The following INTS8 variants were observed in gnomAD, a reference collection of about 807,000 sequenced individuals.
INTS8 encodes the protein integrator complex subunit 8.
Under a neutral mutation model 138.9 loss-of-function variants are expected in INTS8, and 47 were observed. The observed-to-expected ratio is 0.34, with a 90% CI of 0.27 to 0.43. The LOEUF (loss-of-function observed/expected upper bound fraction) is 0.43. Ranked by LOEUF, INTS8 falls within the 20% of genes least tolerant of loss-of-function variation. The pLI is 1.00. For missense variants in INTS8, 996 were observed against 1,173.0 expected, an observed-to-expected ratio of 0.85 and a Z score of 2.20; for synonymous variants, 392 against 400.9, an observed-to-expected ratio of 0.98 and a Z score of 0.27.
chr8:94,827,249 T>G lies in INTS8; in HGVS notation c.306-14T>G, dbSNP rs1362541152. ...ACAATTAATGTGCAAACATGTACGT[T>G]TTGCTTCTTCAAGTTTGTCTGTTCC... On this transcript the variant is annotated splice_polypyrimidine_tract_variant and intron_variant, in intron 2 of 26. Coordinates refer to ENST00000523731, the MANE Select transcript of INTS8 (RefSeq NM_017864.4). 9 of 1,610,634 alleles carry G rather than the reference T, an allele frequency of 5.6e-6. No homozygotes were observed. Among genetic ancestry groups the G allele is most frequent in the Non-Finnish European group, 7.6e-6 (9 of 1,177,362 alleles).
chr8:94,879,998 G>A, intron 26 of INTS8, 120 bp from the exon 27 acceptor site: 2 of 674,584 alleles, frequency 3.0e-6, no homozygotes, highest in Non-Finnish European at 2.6e-6. Context: ...TTACAGTTAA[G>A]AGGTTCAGTT....
rs2131090851 is a variant in INTS8, at chr8:94,880,720, T to G, written c.*486T>G. On this transcript the variant is annotated 3_prime_UTR_variant, in exon 27 of 27. Coordinates refer to ENST00000523731, the MANE Select transcript of INTS8 (RefSeq NM_017864.4). ...ACAATGGAGGAATTTAGAAAGGACC[T>G]TAACAGTTTCACAAACATAAATAAA... 2 of 396,288 alleles carry G rather than the reference T, an allele frequency of 5.0e-6. No homozygotes were observed. The highest frequency in any genetic ancestry group is 4.1e-5 in the African/African-American group (2 of 48,678). The allele number at this position is 396,288 out of a possible 1,614,324, so 24.5% of individuals were successfully genotyped here. A position where few individuals can be genotyped will look rare whatever the true frequency, so the allele number is the denominator to read the frequency against.
At chr8:94,829,683 G>T (rs961632236) in intron 5 of INTS8, among the ~76,000 whole-genome samples, 3 of 152,192 alleles carry the variant, frequency 2.0e-5, no homozygotes, top group African/African-American at 2.4e-5. Context: ...TGACATTAAG[G>T]TTTTTACTAT....
At chr8:94,863,197 C>T (rs1816057822) in intron 16 of INTS8, among the ~76,000 whole-genome samples, 3 of 152,166 alleles carry the variant, frequency 2.0e-5, no homozygotes, top group African/African-American at 7.2e-5. Context: ...CTAGTATAGG[C>T]TAAAACCTTA....
chr8:94,866,914 A>T (rs1229359915), intron 18 of INTS8: 1 of 461,898 alleles, frequency 2.2e-6, no homozygotes, highest in East Asian at 3.4e-5. Flanking sequence ...CCATAAGCCA[A>T]ACATTTATGC....
chr8:94,856,560 ATTG>A (rs890887121), intron 14 of INTS8, among the ~76,000 whole-genome samples: 3 of 152,208 alleles, frequency 2.0e-5, no homozygotes, highest in Admixed American at 6.5e-5. Flanking sequence ...AGTATTTTAT[ATTG>A]TTTATTGGAT....
At position 94,823,395 on chromosome 8, in the gene INTS8, G is replaced by T. The variant is rs537627111; in HGVS notation, c.-37G>T. 1.3e-6 allele frequency: 2 copies of T among 1,511,296 alleles called. No homozygotes were observed. Among genetic ancestry groups the T allele is most frequent in the South Asian group, 1.3e-5 (1 of 78,302 alleles). The allele number at this position is 1,511,296 out of a possible 1,614,324, so 93.6% of individuals were successfully genotyped here. On this transcript the variant is annotated 5_prime_UTR_variant, in exon 1 of 27. Coordinates refer to ENST00000523731, the MANE Select transcript of INTS8 (RefSeq NM_017864.4). The stretch of plus-strand genomic sequence containing the variant: ...CGCATCCAAGTGTCAGGTTGGAGCC[G>T]GGAAGCGGCCCTGGTGGTAGCGGCG...
At chr8:94,845,122 G>A (rs1375937397) in intron 10 of INTS8, among the ~76,000 whole-genome samples, 2 of 152,092 alleles carry the variant, frequency 1.3e-5, no homozygotes, top group Non-Finnish European at 2.9e-5. Context: ...TTCCGTTGTA[G>A]TGATTTCTGT....
chr8:94,839,446 T>A (rs1452513345), intron 8 of INTS8, among the ~76,000 whole-genome samples: 2 of 152,214 alleles, frequency 1.3e-5, no homozygotes, highest in African/African-American at 4.8e-5. Flanking sequence ...GATAAAGCCA[T>A]AACTTAGTTT....
rs749115981 is a variant in INTS8, at chr8:94,824,898, G to A, written c.136G>A (p.Ala46Thr). The change falls in exon 2 of 27, where the codon GCA (alanine) becomes ACA (threonine). Residue 46 changes from alanine to threonine, a missense_variant. Coordinates refer to ENST00000523731, the MANE Select transcript of INTS8 (RefSeq NM_017864.4). ...TATTTTCTTTTAAACCCTAGATCCT[G>A]CACCAGTTCAACTTATAGTTCAGTT... The part of the protein sequence containing the change: ...KHLRKPCPDP[A>T]PVQLIVQFLE... 3.1e-6 allele frequency: 5 copies of A among 1,599,366 alleles called. No homozygotes were observed. The highest frequency in any genetic ancestry group is 3.4e-6 in the Non-Finnish European group (4 of 1,172,252).
intron 26 of INTS8, 29 bp downstream of exon 26, chr8:94,876,518 G>A (rs751143710): frequency 2.8e-6 from 4 of 1,421,040 alleles, no homozygotes; most frequent in South Asian, 1.3e-5. Flanking sequence ...TTCTTCAGTG[G>A]TACAGTTTCC....
At chr8:94,846,110 G>A (rs564872662) in intron 10 of INTS8, among the ~76,000 whole-genome samples, 34 of 152,072 alleles carry the variant, frequency 2.2e-4, no homozygotes, top group Non-Finnish European at 4.4e-4. Context: ...AATAGTTTAT[G>A]CATTGATACA....
intron 10 of INTS8, among the ~76,000 whole-genome samples, chr8:94,843,581 T>G (rs1039829592): frequency 1.3e-5 from 2 of 151,912 alleles, no homozygotes; most frequent in African/African-American, 4.8e-5. Flanking sequence ...AAAAAAAAGT[T>G]AGAATATTAT....
In INTS8 at chr8:94,865,707, T is replaced by C. The variant is rs1340443640; in HGVS notation, c.2261+17T>C. 1 of 1,605,060 alleles carries C rather than the reference T, an allele frequency of 6.2e-7. No individual in the cohort carries two copies. Among genetic ancestry groups the C allele is most frequent in the Non-Finnish European group, 8.5e-7 (1 of 1,172,884 alleles). ...CATGTATCGGTATGTATTGGTACGT[T>C]TCTATTAGTTGTGTTTGAGTTCTTA... On this transcript the variant is annotated intron_variant, in intron 17 of 26. Coordinates refer to ENST00000523731, the MANE Select transcript of INTS8 (RefSeq NM_017864.4).
In INTS8 at chr8:94,881,369, G is replaced by C. The variant is rs1490972592; in HGVS notation, c.*1135G>C. The C allele has an allele frequency of 4.0e-6, 2 of 504,254 alleles. No homozygotes were observed. The highest frequency in any genetic ancestry group is 3.1e-5 in the South Asian group (1 of 32,684). 31.2% of individuals were successfully genotyped at this position (504,254 alleles called of 1,614,324 possible). On this transcript the variant is annotated 3_prime_UTR_variant, in exon 27 of 27. Transcript: ENST00000523731. ...GAAAAACATTGCTATGGTATAGACT[G>C]TGGTTGGCTTCTATCCAGTAACCTT...
At chr8:94,863,466 G>A (rs1456855445) in intron 16 of INTS8, among the ~76,000 whole-genome samples, 1 of 152,164 alleles carries the variant, frequency 6.6e-6, no homozygotes, top group Non-Finnish European at 1.5e-5. Flanking sequence ...TCCTCTTCCT[G>A]CTTCCTTTGT....
rs557882923 is a variant in INTS8, at chr8:94,827,524, T to A, written c.446+121T>A. The A allele has an allele frequency of 3.8e-5, 47 of 1,248,790 alleles. No homozygotes were observed. The South Asian group carries it at 6.1e-4, about 16-fold the overall frequency. 77.4% of individuals were successfully genotyped at this position (1,248,790 alleles called of 1,614,324 possible). ...CAGGGATTTTTCAAATCTGGGGAACTGTGAGTCTAATGGTGGAGAAAATTT... is the reference window on the plus strand; with the variant it reads ...CAGGGATTTTTCAAATCTGGGGAACAGTGAGTCTAATGGTGGAGAAAATTT... On this transcript the variant is annotated intron_variant, in intron 3 of 26. Transcript: ENST00000523731.
intron 10 of INTS8, among the ~76,000 whole-genome samples, chr8:94,848,026 T>TTTTTTTTTTTTTTTTTTG (rs1815395352): frequency 6.6e-6 from 1 of 151,344 alleles, no homozygotes; most frequent in African/African-American, 2.4e-5. Context: ...TTTTTTTTTT[T>TTTTTTTTTTTTTTTTTTG]GAGATGGAGT....
chr8:94,823,448 C>A lies in INTS8; in HGVS notation c.17C>A (p.Ala6Glu). ...GGGGGCAGGATGAGCGCGGAGGCGG[C>A]GGACCGGGAGGCGGCCACCTCCAGC... MSAEA[A>E]DREAATSSRP... The change falls in exon 1 of 27, where the codon GCG becomes GAG. Residue 6 changes from alanine to glutamate, a missense_variant. Ala to Glu is a moderately radical substitution (Grantham distance 107, BLOSUM62 -1). Coordinates refer to ENST00000523731, the MANE Select transcript of INTS8 (RefSeq NM_017864.4). 1 of 1,536,286 alleles carries A rather than the reference C, an allele frequency of 6.5e-7. No homozygotes were observed.
Sources: allele counts gnomAD v4.1 joint callset (sites outside exome capture counted in the v4.1 genomes callset), GRCh38; gene constraint gnomAD v4.1.1; transcripts MANE v1.5; gene names NCBI Gene and HGNC (gene_info 2026-07-23, HGNC 2026-07-21).